The following RBFOX1 variants were observed in gnomAD, a reference collection of about 807,000 sequenced individuals.
RBFOX1 encodes RNA binding protein fox-1 homolog 1.
In RBFOX1, 8 loss-of-function variants were observed where a neutral mutation model predicts 57.7. The observed-to-expected ratio is 0.14, with a 90% CI of 0.08 to 0.25. RBFOX1 has a LOEUF of 0.25. RBFOX1 is among the 10% of genes least tolerant of loss of function. RBFOX1 has a pLI of 1.00. For synonymous variants in RBFOX1, 326 were observed against 222.4 expected (o/e 1.47, Z -4.15); for missense variants, 611 against 548.5 (o/e 1.11, Z -1.14).
At chr16:6,504,662 T>A (rs1449410864) in intron 2 of RBFOX1, among the ~76,000 whole-genome samples, 2 of 152,212 alleles carry the variant, frequency 1.3e-5, no homozygotes, top group African/African-American at 2.4e-5. Flanking sequence ...CCCACTGCCA[T>A]GTTTTCCAAA....
intron 10 of RBFOX1, among the ~76,000 whole-genome samples, chr16:7,608,531 C>G (rs1429579409): frequency 1.3e-5 from 2 of 152,170 alleles, no homozygotes; most frequent in African/African-American, 4.8e-5. Context: ...AGAGACTTAG[C>G]CGTCAGGCTT....
chr16:5,254,957 T>C (rs1364237123), intron 1 of RBFOX1, among the ~76,000 whole-genome samples: 2 of 152,158 alleles, frequency 1.3e-5, no homozygotes, highest in Non-Finnish European at 2.9e-5. Flanking sequence ...TTGATAAGCA[T>C]CCTCAATGTG....
chr16:7,153,801 A>C (rs1451041873), intron 4 of RBFOX1, among the ~76,000 whole-genome samples: 1 of 151,944 alleles, frequency 6.6e-6, no homozygotes, highest in African/African-American at 2.4e-5. Context: ...TTCAGTTATC[A>C]TGAGGGGGAA....
intron 1 of RBFOX1, among the ~76,000 whole-genome samples, chr16:5,317,234 T>A (rs1454188714): frequency 6.6e-6 from 1 of 152,246 alleles, no homozygotes; most frequent in African/African-American, 2.4e-5. Flanking sequence ...TATATGTATG[T>A]GTATTTTCTA....
intron 4 of RBFOX1, among the ~76,000 whole-genome samples, chr16:7,251,977 TAA>T (rs1290759292): frequency 6.6e-6 from 1 of 152,218 alleles, no homozygotes; most frequent in Non-Finnish European, 1.5e-5. Flanking sequence ...GGGTGATTCT[TAA>T]AGAGAGTCTT....
intron 4 of RBFOX1, among the ~76,000 whole-genome samples, chr16:5,893,521 A>G (rs1358110469): frequency 1.3e-5 from 2 of 152,152 alleles, no homozygotes; most frequent in African/African-American, 4.8e-5. Flanking sequence ...CATCTGTTTT[A>G]TCTGGCTAGG....
chr16:5,791,947 G>T (rs1037302147), intron 3 of RBFOX1, among the ~76,000 whole-genome samples: 1 of 152,174 alleles, frequency 6.6e-6, no homozygotes. Flanking sequence ...TCTTGGCGTT[G>T]CCTCTGGGGC....
chr16:5,669,342 A>G (rs2049945123), intron 3 of RBFOX1, among the ~76,000 whole-genome samples: 1 of 151,304 alleles, frequency 6.6e-6, no homozygotes, highest in Non-Finnish European at 1.5e-5. Flanking sequence ...AAAAGCCTCA[A>G]GGCTTGGGCT....
intron 4 of RBFOX1, among the ~76,000 whole-genome samples, chr16:7,231,400 G>C (rs1344955889): frequency 6.6e-6 from 1 of 152,158 alleles, no homozygotes; most frequent in Admixed American, 6.5e-5. Flanking sequence ...GAGTATAGCT[G>C]TGTTCACTGC....
chr16:5,499,459 C>A lies in RBFOX1; in HGVS notation c.258+32205C>A, dbSNP rs113998454. Among the ~76,000 whole-genome samples the A allele has an allele frequency of 5.4e-3, 828 of 152,314 alleles. 11 individuals are homozygous for A. Among genetic ancestry groups the A allele is most frequent in the African/African-American group, 0.019 (771 of 41,576 alleles). On this transcript the variant is annotated intron_variant, in intron 2 of 2. Transcript: ENST00000585867. Reference sequence around the variant, plus strand: ...CAACTCTTCACCCGTCCTTTCAGCCCCACTTGAGAGATGGACAAACAGAGG... The same window carrying A: ...CAACTCTTCACCCGTCCTTTCAGCCACACTTGAGAGATGGACAAACAGAGG...
chr16:6,504,917 G>A (rs1160392795), intron 2 of RBFOX1, among the ~76,000 whole-genome samples: 1 of 151,124 alleles, frequency 6.6e-6, no homozygotes, highest in South Asian at 2.1e-4. Context: ...AAAAAATTTT[G>A]TAATTTTTTA....
chr16:5,548,029 C>T (rs1375251671), intron 2 of RBFOX1, among the ~76,000 whole-genome samples: 6 of 151,484 alleles, frequency 4.0e-5, no homozygotes, highest in African/African-American at 1.5e-4. Context: ...GGCGTGGTGG[C>T]TTGTGCCTGT....
rs568937505 is a variant in RBFOX1, at chr16:5,991,495, C to G, written c.351+124160C>G. Among the ~76,000 whole-genome samples, 157 of 152,132 alleles carry G rather than the reference C, an allele frequency of 1.0e-3. 2 individuals carry two copies. The highest frequency in any genetic ancestry group is 3.6e-3 in the African/African-American group (149 of 41,504). The stretch of plus-strand genomic sequence containing the variant: ...TGTTTGGATTAATATCTCTGGAGAC[C>G]TTTACGGAAGTATTATTTATTGATA... On this transcript the variant is annotated intron_variant, in intron 4 of 19. Transcript: ENST00000641259.
At chr16:7,163,270 G>A (rs531345643) in intron 4 of RBFOX1, among the ~76,000 whole-genome samples, 1 of 152,262 alleles carries the variant, frequency 6.6e-6, no homozygotes, top group South Asian at 2.1e-4. Context: ...TTGGACGAAG[G>A]GGCAGGGGGT....
At chr16:6,458,217 G>A (rs1597524281) in intron 2 of RBFOX1, among the ~76,000 whole-genome samples, 1 of 152,160 alleles carries the variant, frequency 6.6e-6, no homozygotes, top group African/African-American at 2.4e-5. Context: ...AAGTTCGTCT[G>A]CAGCATGAAG....
At chr16:6,480,605 G>C (rs1456023446) in intron 2 of RBFOX1, among the ~76,000 whole-genome samples, 1 of 152,168 alleles carries the variant, frequency 6.6e-6, no homozygotes, top group Non-Finnish European at 1.5e-5. Flanking sequence ...GCTGTAGTTG[G>C]CTATCTTCTG....
intron 1 of RBFOX1, among the ~76,000 whole-genome samples, chr16:6,079,872 A>G: frequency 6.6e-6 from 1 of 152,208 alleles, no homozygotes; most frequent in East Asian, 1.9e-4. Context: ...TGTAATTTTT[A>G]AATAATTCCT....
At chr16:5,832,804 C>G (rs1044557804) in intron 3 of RBFOX1, among the ~76,000 whole-genome samples, 1 of 152,180 alleles carries the variant, frequency 6.6e-6, no homozygotes, top group Non-Finnish European at 1.5e-5. Flanking sequence ...GCTGACTTTC[C>G]TATACTCCAA....
At chr16:5,550,950 G>A (rs1426807424) in intron 2 of RBFOX1, among the ~76,000 whole-genome samples, 1 of 152,184 alleles carries the variant, frequency 6.6e-6, no homozygotes, top group Non-Finnish European at 1.5e-5. Context: ...TGATGGGCAA[G>A]GGAAGGTTAA....
Sources: allele counts gnomAD v4.1 joint callset (sites outside exome capture counted in the v4.1 genomes callset), GRCh38; gene constraint gnomAD v4.1.1; transcripts MANE v1.5; gene names NCBI Gene and HGNC (gene_info 2026-07-23, HGNC 2026-07-21).